Variants in IFNAR2 observed in about 807,000 individuals in gnomAD.
The protein encoded by IFNAR2 is interferon alpha/beta receptor 2.
IFNAR2 carries 30 observed loss-of-function variants against 49.4 expected under a neutral mutation model. The ratio of observed to expected loss-of-function variants is 0.61; its 90% CI spans 0.45 to 0.82. The LOEUF (loss-of-function observed/expected upper bound fraction) is 0.82. Ranked by LOEUF, IFNAR2 falls within the 40% of genes least tolerant of loss-of-function variation. The pLI is 0.00. For missense variants in IFNAR2, 600 were observed against 622.7 expected (o/e 0.96, Z 0.39); for synonymous variants, 224 against 234.5 (o/e 0.96, Z 0.41).
chr21:33,263,529 G>A lies in IFNAR2; in HGVS notation c.*29G>A. On this transcript the variant is annotated 3_prime_UTR_variant, in exon 9 of 9. Transcript: ENST00000342136. ...CAAAACTATTGAATGAACTTGGACA[G>A]ACAAGCACCTACAGGGTTCTTTGTC... 1 of 1,569,500 alleles carries A rather than the reference G, an allele frequency of 6.4e-7. No individual in the cohort carries two copies. Among genetic ancestry groups the A allele is most frequent in the Non-Finnish European group, 8.6e-7 (1 of 1,159,610 alleles).
At chr21:33,233,183 A>G (rs1388600764) in intron 1 of IFNAR2, among the ~76,000 whole-genome samples, 1 of 152,222 alleles carries the variant, frequency 6.6e-6, no homozygotes, top group Non-Finnish European at 1.5e-5. Flanking sequence ...CAGGAGAAAG[A>G]ACAGAAGCAA....
intron 6 of IFNAR2, chr21:33,252,276 A>G (rs1987908159): frequency 2.2e-6 from 1 of 457,712 alleles, no homozygotes; most frequent in Non-Finnish European, 4.3e-6. Context: ...GACTGTTTTG[A>G]AAGTCAAAAG....
intron 6 of IFNAR2, 60 bp downstream of exon 6, chr21:33,248,914 C>A: frequency 8.2e-7 from 1 of 1,224,852 alleles, no homozygotes; most frequent in Non-Finnish European, 1.1e-6. Flanking sequence ...ATGCACTTGA[C>A]TGTCTCTTTT....
At chr21:33,253,475 T>C (rs1188813128) in intron 7 of IFNAR2, among the ~76,000 whole-genome samples, 4 of 152,160 alleles carry the variant, frequency 2.6e-5, no homozygotes, top group Non-Finnish European at 2.9e-5. Context: ...TGAGAAGCTA[T>C]GCAAGTCTCC....
chr21:33,254,180 G>A (rs901122202), intron 7 of IFNAR2, among the ~76,000 whole-genome samples: 6 of 152,182 alleles, frequency 3.9e-5, no homozygotes, highest in African/African-American at 1.4e-4. Flanking sequence ...GCCAAGGGCC[G>A]AGTAAAGTAA....
chr21:33,230,156 C>A lies in IFNAR2; in HGVS notation c.-144C>A, dbSNP rs1601778493. The stretch of plus-strand genomic sequence containing the variant: ...GACCGCGAGCGTCGGGTCCCAGAGC[C>A]GGGCGCGGCTGGGGCCCGAGGCTAG... On this transcript the variant is annotated 5_prime_UTR_variant, in exon 1 of 9. Coordinates refer to ENST00000342136, the MANE Select transcript of IFNAR2 (RefSeq NM_001289125.3). This position sits in a 1 kb window ranked among gnomAD's most constrained non-coding sequence, Gnocchi z 5.5. The A allele has an allele frequency of 1.0e-5, 10 of 999,736 alleles. 1 individual carries two copies. In the South Asian group the frequency reaches 3.1e-4, roughly 31 times the overall value. The allele number at this position is 999,736 out of a possible 1,614,324, so 61.9% of individuals were successfully genotyped here.
At chr21:33,247,053 C>G (rs1987477179) in intron 5 of IFNAR2, among the ~76,000 whole-genome samples, 163 bp downstream of exon 5, 1 of 152,168 alleles carries the variant, frequency 6.6e-6, no homozygotes, top group Non-Finnish European at 1.5e-5. Flanking sequence ...TGCTTTGCTT[C>G]TCTGAGCCTT....
rs1431961566 is a variant in IFNAR2, at chr21:33,264,024, A to C, written c.*524A>C. On this transcript the variant is annotated 3_prime_UTR_variant, in exon 9 of 9. Coordinates refer to ENST00000342136, the MANE Select transcript of IFNAR2 (RefSeq NM_001289125.3). The stretch of plus-strand genomic sequence containing the variant: ...CAGGCGCCTGCCACCATGCCTAGCA[A>C]ATTTTTGTATTTTTAGTAGAGACAG... 1 of 152,932 alleles carries C rather than the reference A, an allele frequency of 6.5e-6. No homozygotes were observed. Among genetic ancestry groups the C allele is most frequent in the Non-Finnish European group, 1.5e-5 (1 of 68,846 alleles). The allele number at this position is 152,932 out of a possible 1,614,324, so 9.5% of individuals were successfully genotyped here.
Position 33,233,695 on chromosome 21 carries a change from A to G in IFNAR2, c.-84+3479A>G, listed in dbSNP as rs1444834728. Among the ~76,000 whole-genome samples the G allele has an allele frequency of 4.6e-5, 7 of 152,194 alleles. No individual in the cohort carries two copies. The East Asian group carries it at 1.2e-3, about 25-fold the overall frequency. ...GAAGAACAAAGGGAATTCAGCACCC[A>G]TGAACCGTTTTTGGAAAAACAAAAA... On this transcript the variant is annotated intron_variant, in intron 1 of 8. Coordinates refer to ENST00000342136, the MANE Select transcript of IFNAR2 (RefSeq NM_001289125.3).
intron 1 of IFNAR2, among the ~76,000 whole-genome samples, chr21:33,238,214 T>C (rs1487912767): frequency 1.3e-5 from 2 of 152,178 alleles, no homozygotes; most frequent in South Asian, 2.1e-4. Flanking sequence ...CCAGCAAGCC[T>C]TTGTCTCCTG....
At chr21:33,234,175 C>T (rs1366352919) in intron 1 of IFNAR2, among the ~76,000 whole-genome samples, 1 of 134,302 alleles carries the variant, frequency 7.4e-6, no homozygotes. Context: ...TAACATTAAA[C>T]AGAAACACTG....
rs532067225 is a variant in IFNAR2 at position 33,252,696 on chromosome 21, A to C, written c.575A>C (p.Asn192Thr). 6.2e-7 allele frequency: 1 copy of C among 1,613,738 alleles called. No individual in the cohort carries two copies. ...KPEIKGNMSG[N>T]FTYIIDKLIP... is the part of the protein sequence containing the mutation. The stretch of plus-strand genomic sequence containing the variant: ...GAAATAAAAGGAAACATGAGTGGAA[A>C]TTTCACCTATATCATTGACAAGTTA... Residue 192 changes from asparagine to threonine, a missense_variant, in exon 7 of 9, where the codon AAT (asparagine) becomes ACT (threonine). By Grantham distance (65) the Asn-to-Thr change is moderately conservative (BLOSUM62 0). Coordinates refer to ENST00000342136, the MANE Select transcript of IFNAR2 (RefSeq NM_001289125.3).
chr21:33,255,508 T>A (rs1344091681), intron 7 of IFNAR2, among the ~76,000 whole-genome samples: 1 of 152,190 alleles, frequency 6.6e-6, no homozygotes, highest in African/African-American at 2.4e-5. Flanking sequence ...CATTTTATTA[T>A]AAAGGAATTG....
In IFNAR2 at chr21:33,264,834, T is replaced by C. The variant is rs1988869032; in HGVS notation, c.*1334T>C. 6.6e-6 allele frequency: 1 copy of C among 152,064 alleles called. No homozygotes were observed. The highest frequency in any genetic ancestry group is 2.4e-5 in the African/African-American group (1 of 41,398). The allele number at this position is 152,064 out of a possible 1,614,324, so 9.4% of individuals were successfully genotyped here. On this transcript the variant is annotated 3_prime_UTR_variant, in exon 9 of 9. Coordinates refer to ENST00000342136, the MANE Select transcript of IFNAR2 (RefSeq NM_001289125.3). Reference sequence around the variant, plus strand: ...CAAATCTGTCTCTACAAAACAAAATTAGAAAAATTAACTGGGCGTAGTGGC... The same window carrying C: ...CAAATCTGTCTCTACAAAACAAAATCAGAAAAATTAACTGGGCGTAGTGGC...
At chr21:33,259,711 T>C (rs1988439475) in intron 7 of IFNAR2, among the ~76,000 whole-genome samples, 1 of 152,234 alleles carries the variant, frequency 6.6e-6, no homozygotes, top group East Asian at 1.9e-4. Context: ...TAGATCTGAT[T>C]CTGGAACTGT....
intron 5 of IFNAR2, among the ~76,000 whole-genome samples, chr21:33,247,654 A>AG (rs1987539698): frequency 6.6e-6 from 1 of 152,242 alleles, no homozygotes; most frequent in East Asian, 1.9e-4. Context: ...AGCTCAGAGG[A>AG]GAAGACTAGA....
chr21:33,263,755 A>C lies in IFNAR2; in HGVS notation c.*255A>C. 1.5e-5 allele frequency: 7 copies of C among 462,786 alleles called. No individual in the cohort carries two copies. Among genetic ancestry groups the C allele is most frequent in the Non-Finnish European group, 1.2e-5 (3 of 257,416 alleles). The allele number at this position is 462,786 out of a possible 1,614,324, so 28.7% of individuals were successfully genotyped here. A position where few individuals can be genotyped will look rare whatever the true frequency, so the allele number is the denominator to read the frequency against. Reference sequence around the variant, plus strand: ...ACATGTGCACCTTTCCTTTACACTAATGCACTTAGGATGTTTCTGCATCAT... The same window carrying C: ...ACATGTGCACCTTTCCTTTACACTACTGCACTTAGGATGTTTCTGCATCAT... On this transcript the variant is annotated 3_prime_UTR_variant, in exon 9 of 9. Transcript: ENST00000342136.
At chr21:33,252,100 C>CA in intron 6 of IFNAR2, 1 of 456,134 alleles carries the variant, frequency 2.2e-6, no homozygotes, top group Non-Finnish European at 4.5e-6. Context: ...ATCTATCTAT[C>CA]TATCTATCTA....
intron 5 of IFNAR2, among the ~76,000 whole-genome samples, chr21:33,247,254 C>CTTTTTTTTTTTTTTTTTTTTTTTTTT (rs59707670): frequency 2.2e-5 from 2 of 91,574 alleles, no homozygotes; most frequent in Non-Finnish European, 4.3e-5. Flanking sequence ...TTCTTTCTTT[C>CTTTTTTTTTTTTTTTTTTTTTTTTTT]TTTTTTTTTT....
Sources: allele counts gnomAD v4.1 joint callset (sites outside exome capture counted in the v4.1 genomes callset), GRCh38; gene constraint gnomAD v4.1.1; non-coding constraint Gnocchi (gnomAD v3.1); transcripts MANE v1.5; gene names NCBI Gene and HGNC (gene_info 2026-07-23, HGNC 2026-07-21).